Variants in GLG1 observed in about 807,000 individuals in gnomAD.
GLG1 encodes Golgi apparatus protein 1.
Under a neutral mutation model 160.5 loss-of-function variants are expected in GLG1, and 38 were observed. The ratio of observed to expected loss-of-function variants is 0.24; its 90% CI spans 0.18 to 0.31. GLG1 has a LOEUF of 0.31. GLG1 is among the 10% of genes least tolerant of loss of function. The probability of loss-of-function intolerance (pLI) is 1.00; values close to 1 mark genes in which losing one functional copy is unlikely to be tolerated. For missense variants in GLG1, 1,373 were observed against 1,505.2 expected, an observed-to-expected ratio of 0.91 and a Z score of 1.45; for synonymous variants, 644 against 543.4, an observed-to-expected ratio of 1.19 and a Z score of -2.57.
intron 14 of GLG1, 76 bp from the exon 15 acceptor site, chr16:74,471,362 A>G: frequency 2.4e-6 from 2 of 830,424 alleles, no homozygotes; most frequent in Non-Finnish European, 4.2e-6. Flanking sequence ...TCCGAAACAA[A>G]TGCAAGCAAG....
intron 2 of GLG1, among the ~76,000 whole-genome samples, chr16:74,529,863 C>A (rs565343459): frequency 3.2e-4 from 39 of 120,706 alleles, no homozygotes; most frequent in African/African-American, 1.2e-3. Flanking sequence ...GTCACCCAGA[C>A]TGGAGGGCAG....
chr16:74,593,731 G>A (rs955111888), intron 1 of GLG1, among the ~76,000 whole-genome samples: 3 of 150,600 alleles, frequency 2.0e-5, no homozygotes, highest in Admixed American at 6.6e-5. Context: ...CACCACACCT[G>A]GCCAGGTACC....
intron 1 of GLG1, among the ~76,000 whole-genome samples, chr16:74,603,611 T>C (rs1199584362): frequency 1.3e-5 from 2 of 151,584 alleles, no homozygotes; most frequent in South Asian, 2.1e-4. Flanking sequence ...AAGGTCTCCA[T>C]CTGAAACTTC....
Position 74,452,906 on chromosome 16 carries a change from T to C in GLG1, c.*261A>G, listed in dbSNP as rs2014381914. On this transcript the variant is annotated 3_prime_UTR_variant, in exon 26 of 26. Transcript: ENST00000422840. The stretch of plus-strand genomic sequence containing the variant: ...AAGTTCTGTTGGTATGAGAGAGACT[T>C]GTCTACAGGCAGGTAAACCCAAGTT... 1.5e-5 allele frequency: 17 copies of C among 1,167,766 alleles called. No homozygotes were observed. Among genetic ancestry groups the C allele is most frequent in the Non-Finnish European group, 1.7e-5 (16 of 946,796 alleles). 72.3% of individuals were successfully genotyped at this position (1,167,766 alleles called of 1,614,324 possible).
Position 74,564,650 on chromosome 16 carries a change from TCA to T in GLG1, c.439-32499_439-32498del, listed in dbSNP as rs146712593. On this transcript the variant is annotated intron_variant, in intron 1 of 25. Transcript: ENST00000422840. ...CTAAAGCCCTAAGTTTCAGTAACAC[TCA>T]CACCCAAGTGAGAACCTGACCAAAA... Among the ~76,000 whole-genome samples, 448 of 151,888 alleles carry T rather than the reference TCA, an allele frequency of 2.9e-3. 8 individuals are homozygous for T. The East Asian group carries it at 0.054, about 18-fold the overall frequency.
At chr16:74,493,217 C>T (rs2143391689) in intron 6 of GLG1, 77 bp from the exon 7 acceptor site, 2 of 877,636 alleles carry the variant, frequency 2.3e-6, no homozygotes, top group Admixed American at 2.4e-5. Context: ...AAGATGAGCA[C>T]AGCGACTCAG....
chr16:74,597,263 T>A (rs1958327673), intron 1 of GLG1, among the ~76,000 whole-genome samples: 1 of 151,076 alleles, frequency 6.6e-6, no homozygotes, highest in African/African-American at 2.4e-5. Context: ...AAACCCCGTC[T>A]CTAGTAAAAA....
intron 1 of GLG1, among the ~76,000 whole-genome samples, chr16:74,556,756 A>G (rs138606610): frequency 6.6e-4 from 98 of 148,646 alleles, no homozygotes; most frequent in African/African-American, 2.3e-3. Context: ...ATATATTATA[A>G]TAAATATTAT....
chr16:74,601,742 A>C (rs1176970259), intron 1 of GLG1, among the ~76,000 whole-genome samples: 1 of 152,204 alleles, frequency 6.6e-6, no homozygotes, highest in Non-Finnish European at 1.5e-5. Flanking sequence ...CAAATACTTC[A>C]ATGCACTGTT....
At chr16:74,469,678 T>C (rs2015127408) in intron 16 of GLG1, 1 of 357,148 alleles carries the variant, frequency 2.8e-6, no homozygotes, top group East Asian at 4.7e-5. Flanking sequence ...AGTTCGCCTC[T>C]TTCACTCACA....
intron 4 of GLG1, among the ~76,000 whole-genome samples, chr16:74,498,841 G>A (rs2016306194): frequency 1.1e-5 from 1 of 89,630 alleles, no homozygotes; most frequent in Non-Finnish European, 2.0e-5. Flanking sequence ...CTCCAGCATA[G>A]ACAACAAGAG....
intron 3 of GLG1, among the ~76,000 whole-genome samples, chr16:74,505,207 T>C (rs977615396): frequency 2.0e-5 from 3 of 152,184 alleles, no homozygotes; most frequent in South Asian, 2.1e-4. Context: ...AATTATCCTA[T>C]AGGCAACAGG....
intron 2 of GLG1, among the ~76,000 whole-genome samples, chr16:74,511,657 A>T (rs1019556044): frequency 6.6e-6 from 1 of 151,924 alleles, no homozygotes; most frequent in Admixed American, 6.6e-5. Flanking sequence ...AATTTAGGAC[A>T]AACAGTAACA....
chr16:74,456,953 G>A (rs372482521), intron 24 of GLG1, among the ~76,000 whole-genome samples, 198 bp from the exon 25 acceptor site: 6 of 152,298 alleles, frequency 3.9e-5, no homozygotes, highest in East Asian at 3.9e-4. Flanking sequence ...GTTGGCGTCC[G>A]AAGCCTCTCT....
chr16:74,598,813 G>C (rs568308395), intron 1 of GLG1, among the ~76,000 whole-genome samples: 1 of 151,892 alleles, frequency 6.6e-6, no homozygotes, highest in South Asian at 2.1e-4. Flanking sequence ...GAACCCGAGA[G>C]GTGGAGGTTG....
chr16:74,590,016 T>TTC (rs1958137479), intron 1 of GLG1, among the ~76,000 whole-genome samples: 8 of 152,206 alleles, frequency 5.3e-5, no homozygotes, highest in Admixed American at 2.0e-4. Context: ...TTGTTGTTTT[T>TTC]TTGAGATGGA....
chr16:74,601,417 TA>T (rs1310976112), intron 1 of GLG1, among the ~76,000 whole-genome samples: 1 of 149,856 alleles, frequency 6.7e-6, no homozygotes, highest in African/African-American at 2.5e-5. Flanking sequence ...TTGTCTCTCT[TA>T]AAATTAAAAA....
chr16:74,452,178 G>T lies in GLG1; in HGVS notation c.*989C>A, dbSNP rs2014337851. On this transcript the variant is annotated 3_prime_UTR_variant, in exon 26 of 26. Coordinates refer to ENST00000422840, the MANE Select transcript of GLG1 (RefSeq NM_001145667.2). ...GTCAAACCTCTGGCTCCCACTTCCT[G>T]ACCCACTGCTCCCCACACCCATCTT... The T allele has an allele frequency of 6.2e-7, 1 of 1,600,558 alleles. No individual in the cohort carries two copies. The highest frequency in any genetic ancestry group is 2.3e-5 in the East Asian group (1 of 44,378).
At chr16:74,606,063 G>C (rs1290203968) in intron 1 of GLG1, among the ~76,000 whole-genome samples, 1 of 152,112 alleles carries the variant, frequency 6.6e-6, no homozygotes, top group Non-Finnish European at 1.5e-5. Flanking sequence ...AGCTTCAAAC[G>C]CTTCCCCAAC....
Sources: allele counts gnomAD v4.1 joint callset (sites outside exome capture counted in the v4.1 genomes callset), GRCh38; gene constraint gnomAD v4.1.1; transcripts MANE v1.5; gene names NCBI Gene and HGNC (gene_info 2026-07-23, HGNC 2026-07-21).